LARGE1: variants seen among roughly 807,000 people sequenced by gnomAD.
The protein encoded by LARGE1 is LARGE xylosyl- and glucuronyltransferase 1, also known as xylosyl- and glucuronyltransferase LARGE1.
Under a neutral mutation model 87.6 loss-of-function variants are expected in LARGE1, and 43 were observed. That is an observed-to-expected ratio of 0.49 (90% CI 0.38 to 0.63). The LOEUF is 0.63. LARGE1 is among the 30% of genes least tolerant of loss of function. The probability of loss-of-function intolerance (pLI) is 0.00; values close to 1 mark genes in which losing one functional copy is unlikely to be tolerated. For synonymous variants in LARGE1, 434 were observed against 394.6 expected (o/e 1.10, Z -1.18); for missense variants, 802 against 1,000.2 (o/e 0.80, Z 2.67).
chr22:33,811,593 T>C (rs768609190), intron 1 of LARGE1, among the ~76,000 whole-genome samples: 45 of 152,246 alleles, frequency 3.0e-4, no homozygotes, highest in Middle Eastern at 3.4e-3. Context: ...GAGCATGCTG[T>C]ATTTAGGAAG....
At chr22:33,644,000 C>T (rs1293125280) in intron 3 of LARGE1, among the ~76,000 whole-genome samples, 1 of 152,168 alleles carries the variant, frequency 6.6e-6, no homozygotes, top group Non-Finnish European at 1.5e-5. Context: ...GGAGCTGGTG[C>T]CATTCCTTCT....
chr22:33,606,852 A>G (rs564792865), intron 4 of LARGE1, among the ~76,000 whole-genome samples: 1 of 152,212 alleles, frequency 6.6e-6, no homozygotes, highest in East Asian at 1.9e-4. Flanking sequence ...ATTTGCTCCT[A>G]GGATCCTTTC....
At chr22:33,566,404 C>T (rs1408032677) in intron 5 of LARGE1, among the ~76,000 whole-genome samples, 1 of 152,218 alleles carries the variant, frequency 6.6e-6, no homozygotes, top group African/African-American at 2.4e-5. Context: ...AAATGAAACA[C>T]ATTCACCCAA....
chr22:33,243,972 G>A (rs991352146), intron 11 of LARGE1, among the ~76,000 whole-genome samples: 12 of 152,002 alleles, frequency 7.9e-5, no homozygotes, highest in African/African-American at 2.9e-4. Context: ...TTTGTGTGGT[G>A]GTTTACAGTT....
At chr22:33,111,981 T>C in the LARGE1 span, among the ~76,000 whole-genome samples, 1 of 152,114 alleles carries the variant, frequency 6.6e-6, no homozygotes, top group Non-Finnish European at 1.5e-5. Flanking sequence ...ACGTAGAATA[T>C]GGGAAATAAA....
chr22:33,552,099 G>A (rs760637611), intron 6 of LARGE1, among the ~76,000 whole-genome samples: 13 of 151,314 alleles, frequency 8.6e-5, no homozygotes, highest in Non-Finnish European at 1.6e-4. Context: ...GGAAGGCTAA[G>A]TCAGTCATAT....
intron 6 of LARGE1, among the ~76,000 whole-genome samples, chr22:33,561,576 A>C (rs189125821): frequency 6.6e-6 from 1 of 152,212 alleles, no homozygotes; most frequent in Non-Finnish European, 1.5e-5. Context: ...CGGGCTCACC[A>C]AACAGTCTTA....
chr22:33,845,045 G>C (rs1442476406), intron 1 of LARGE1, among the ~76,000 whole-genome samples: 1 of 151,804 alleles, frequency 6.6e-6, no homozygotes, highest in African/African-American at 2.4e-5. Flanking sequence ...TAAATAACAA[G>C]CCCCCTTTTT....
chr22:33,415,640 G>A (rs2066461007), intron 7 of LARGE1, among the ~76,000 whole-genome samples: 1 of 152,138 alleles, frequency 6.6e-6, no homozygotes, highest in Admixed American at 6.5e-5. Flanking sequence ...CTCTCGCTTG[G>A]CTGCCTTGCT....
rs576388212 is a variant in LARGE1, at chr22:33,825,960, G to A, written c.-82-64402C>T. Among the ~76,000 whole-genome samples, 4 of 152,254 alleles carry A rather than the reference G, an allele frequency of 2.6e-5. No homozygotes were observed. The East Asian group carries it at 5.8e-4, about 22-fold the overall frequency. The stretch of plus-strand genomic sequence containing the variant: ...TTGAGTAAGAGCACAGAGCTGGGGA[G>A]GGCAGTGCTGAAGACATACATCCTG... On this transcript the variant is annotated intron_variant, in intron 1 of 14. Coordinates refer to ENST00000397394, the MANE Select transcript of LARGE1 (RefSeq NM_133642.5).
At chr22:33,811,992 AG>A (rs1391726546) in intron 1 of LARGE1, among the ~76,000 whole-genome samples, 3 of 152,210 alleles carry the variant, frequency 2.0e-5, no homozygotes, top group Admixed American at 2.0e-4. Flanking sequence ...GAACAAGGAA[AG>A]GGGAAATTGG....
At chr22:33,329,580 T>C (rs1937517617) in intron 10 of LARGE1, among the ~76,000 whole-genome samples, 1 of 152,106 alleles carries the variant, frequency 6.6e-6, no homozygotes, top group East Asian at 1.9e-4. Flanking sequence ...TGGGGCCATT[T>C]CCTGCCAGGT....
intron 6 of LARGE1, 57 bp downstream of exon 6, chr22:33,564,791 C>G (rs1340705783): frequency 3.1e-6 from 5 of 1,588,552 alleles, no homozygotes; most frequent in South Asian, 1.1e-5. Flanking sequence ...AACCCCTATT[C>G]TTGGCATGCT....
intron 11 of LARGE1, among the ~76,000 whole-genome samples, chr22:33,175,850 A>G (rs999257037): frequency 5.3e-5 from 8 of 152,202 alleles, no homozygotes; most frequent in African/African-American, 1.9e-4. Flanking sequence ...TACCAAGACA[A>G]TCCTAAGCAA....
the LARGE1 span, among the ~76,000 whole-genome samples, chr22:33,112,331 C>T: frequency 1.3e-5 from 2 of 152,192 alleles, no homozygotes; most frequent in Non-Finnish European, 2.9e-5. Context: ...TTAAGTCTCA[C>T]ATTTTTCCCC....
chr22:33,863,847 A>T (rs561532200), intron 1 of LARGE1, among the ~76,000 whole-genome samples: 2 of 152,146 alleles, frequency 1.3e-5, no homozygotes, highest in African/African-American at 2.4e-5. Flanking sequence ...ACTGGAAGAC[A>T]CTAAAAGTAA....
At chr22:33,335,886 T>C (rs1462523615) in intron 10 of LARGE1, among the ~76,000 whole-genome samples, 1 of 152,250 alleles carries the variant, frequency 6.6e-6, no homozygotes, top group Admixed American at 6.5e-5. Flanking sequence ...TATGTAGCAG[T>C]TGCCACTGGC....
chr22:33,903,565 G>A lies in LARGE1; in HGVS notation c.-83+16430C>T, dbSNP rs536127472. The stretch of plus-strand genomic sequence containing the variant: ...AAATTGGCCAGGCGCGGTGGCTCAC[G>A]CCTGTAATCTCAGCACTTTGGGAGG... On this transcript the variant is annotated intron_variant, in intron 1 of 14. Coordinates refer to ENST00000397394, the MANE Select transcript of LARGE1 (RefSeq NM_133642.5). Among the ~76,000 whole-genome samples, 52 of 152,212 alleles carry A rather than the reference G, an allele frequency of 3.4e-4. 1 individual carries two copies. The highest frequency in any genetic ancestry group is 1.1e-3 in the African/African-American group (46 of 41,524).
intron 5 of LARGE1, among the ~76,000 whole-genome samples, chr22:33,571,651 T>TG (rs775352436): frequency 2.0e-5 from 3 of 152,176 alleles, no homozygotes; most frequent in Non-Finnish European, 2.9e-5. Flanking sequence ...GCCTAGCACG[T>TG]GCTGGGTGTC....
Sources: gnomAD v4.1 joint callset for allele counts (sites outside exome capture counted in the v4.1 genomes callset) on GRCh38, gnomAD v4.1.1 for gene constraint, MANE v1.5 for transcripts, NCBI Gene and HGNC (gene_info 2026-07-23, HGNC 2026-07-21) for gene names.